Variants in STMN2 observed in about 807,000 individuals in gnomAD.
STMN2 encodes the protein stathmin-2.
A neutral mutation model predicts 24.1 loss-of-function variants in STMN2; 2 were observed. The observed-to-expected ratio is 0.08, with a 90% CI of 0.03 to 0.26. STMN2 has a LOEUF of 0.26. STMN2 is among the 10% of genes least tolerant of loss of function. The pLI is 1.00. For missense variants in STMN2, 114 were observed against 213.6 expected, an observed-to-expected ratio of 0.53 and a Z score of 2.91; for synonymous variants, 83 against 77.5, an observed-to-expected ratio of 1.07 and a Z score of -0.37.
chr8:79,620,310 C>G (rs1449006030), intron 1 of STMN2, among the ~76,000 whole-genome samples: 1 of 151,126 alleles, frequency 6.6e-6, no homozygotes, highest in Non-Finnish European at 1.5e-5. Context: ...CACATTCATG[C>G]AAAATAAGGT....
chr8:79,644,970 C>T (rs1242508920), intron 3 of STMN2, among the ~76,000 whole-genome samples: 1 of 152,128 alleles, frequency 6.6e-6, no homozygotes, highest in African/African-American at 2.4e-5. Flanking sequence ...GCCTGGCCAA[C>T]ATGGCAAAAC....
At chr8:79,662,941 A>G (rs1265277552) in intron 4 of STMN2, among the ~76,000 whole-genome samples, 1 of 152,104 alleles carries the variant, frequency 6.6e-6, no homozygotes, top group Non-Finnish European at 1.5e-5. Context: ...CTTTTTCCTT[A>G]TAATAGCAGA....
chr8:79,617,608 A>T (rs1381992400), intron 1 of STMN2, among the ~76,000 whole-genome samples: 1 of 152,258 alleles, frequency 6.6e-6, no homozygotes, highest in Non-Finnish European at 1.5e-5. Context: ...TTAAGACAGC[A>T]TTACAAAAGT....
intron 1 of STMN2, chr8:79,613,829 G>C (rs1485987178): frequency 2.0e-6 from 2 of 985,188 alleles, no homozygotes; most frequent in African/African-American, 3.5e-5. Context: ...CCAGGATTAT[G>C]TATGTTCATG....
At chr8:79,659,984 C>A (rs991068485) in intron 4 of STMN2, among the ~76,000 whole-genome samples, 11 of 152,164 alleles carry the variant, frequency 7.2e-5, no homozygotes, top group African/African-American at 2.4e-4. Context: ...TCCACCCTCA[C>A]AATTTTCCAT....
intron 2 of STMN2, among the ~76,000 whole-genome samples, chr8:79,637,528 T>C (rs879801669): frequency 6.6e-6 from 1 of 152,220 alleles, no homozygotes; most frequent in African/African-American, 2.4e-5. Context: ...ACAATCCACA[T>C]GATCTTGGTC....
At position 79,665,865 on chromosome 8, in the gene STMN2, T is replaced by G. The variant is rs1332131028; in HGVS notation, c.*991T>G. The stretch of plus-strand genomic sequence containing the variant: ...AATCAAAAACACTGCGGACTTTCAC[T>G]CAAGCTGGTCTTTCTTCCCCAGTGT... On this transcript the variant is annotated 3_prime_UTR_variant, in exon 5 of 5. Coordinates refer to ENST00000220876, the MANE Select transcript of STMN2 (RefSeq NM_007029.4). 2 of 152,320 alleles carry G rather than the reference T, an allele frequency of 1.3e-5. No individual in the cohort carries two copies. The highest frequency in any genetic ancestry group is 2.9e-5 in the Non-Finnish European group (2 of 68,158). The allele number at this position is 152,320 out of a possible 1,614,324, so 9.4% of individuals were successfully genotyped here.
At chr8:79,649,731 C>T (rs552116407) in intron 3 of STMN2, among the ~76,000 whole-genome samples, 3 of 152,194 alleles carry the variant, frequency 2.0e-5, no homozygotes, top group South Asian at 4.2e-4. Flanking sequence ...AAAATTAGTG[C>T]TATCTAAAAT....
At chr8:79,651,481 A>C (rs1178094242) in intron 3 of STMN2, among the ~76,000 whole-genome samples, 1 of 152,210 alleles carries the variant, frequency 6.6e-6, no homozygotes, top group Non-Finnish European at 1.5e-5. Context: ...TTGTTCATGC[A>C]GATCAAATGT....
At chr8:79,621,670 G>A (rs1355196509) in intron 1 of STMN2, among the ~76,000 whole-genome samples, 1 of 152,164 alleles carries the variant, frequency 6.6e-6, no homozygotes, top group Non-Finnish European at 1.5e-5. Flanking sequence ...AGGGAAGGAT[G>A]GTAAGTGGTG....
chr8:79,658,634 A>G (rs1414126541), intron 4 of STMN2, among the ~76,000 whole-genome samples: 4 of 152,186 alleles, frequency 2.6e-5, no homozygotes, highest in Non-Finnish European at 5.9e-5. Context: ...CCTATCAATT[A>G]AGCAAGAGAC....
intron 3 of STMN2, among the ~76,000 whole-genome samples, chr8:79,649,623 T>C (rs986845012): frequency 3.9e-5 from 6 of 152,110 alleles, no homozygotes; most frequent in African/African-American, 1.4e-4. Context: ...TACTAGGAGA[T>C]TTAGTGTCTG....
intron 1 of STMN2, among the ~76,000 whole-genome samples, chr8:79,624,346 C>T (rs896434266): frequency 1.4e-5 from 2 of 147,870 alleles, no homozygotes; most frequent in African/African-American, 5.0e-5. Context: ...CCCAGCTACT[C>T]GGGAGGCTGA....
intron 4 of STMN2, among the ~76,000 whole-genome samples, chr8:79,656,905 G>A (rs938344637): frequency 7.1e-6 from 1 of 140,612 alleles, no homozygotes; most frequent in South Asian, 2.2e-4. Context: ...ATAGAGTCTC[G>A]CTGTGTCGCC....
chr8:79,624,772 C>G (rs938669332), intron 1 of STMN2, among the ~76,000 whole-genome samples: 4 of 152,178 alleles, frequency 2.6e-5, no homozygotes, highest in African/African-American at 7.2e-5. Flanking sequence ...CTCCACAAAA[C>G]AAATAATAGC....
At chr8:79,638,797 GC>G (rs760972760) in intron 2 of STMN2, among the ~76,000 whole-genome samples, 1 of 152,100 alleles carries the variant, frequency 6.6e-6, no homozygotes, top group Non-Finnish European at 1.5e-5. Context: ...CTATTTGGAT[GC>G]AAATATAGGC....
At chr8:79,648,449 G>A (rs550245342) in intron 3 of STMN2, among the ~76,000 whole-genome samples, 91 of 126,420 alleles carry the variant, frequency 7.2e-4, no homozygotes, top group African/African-American at 2.5e-3. Context: ...TACAATATAC[G>A]TTGCTTTTTT....
At chr8:79,648,714 C>A (rs1224727823) in intron 3 of STMN2, among the ~76,000 whole-genome samples, 1 of 152,110 alleles carries the variant, frequency 6.6e-6, no homozygotes, top group Non-Finnish European at 1.5e-5. Flanking sequence ...CCACCCACCT[C>A]AGCCTTCCGA....
intron 3 of STMN2, among the ~76,000 whole-genome samples, chr8:79,654,497 C>G (rs1309403724): frequency 1.3e-5 from 2 of 152,162 alleles, no homozygotes; most frequent in Non-Finnish European, 2.9e-5. Flanking sequence ...TTGTCTCAGT[C>G]CTCAACTGTT....
Sources: gnomAD v4.1 joint callset for allele counts (sites outside exome capture counted in the v4.1 genomes callset) on GRCh38, gnomAD v4.1.1 for gene constraint, MANE v1.5 for transcripts, NCBI Gene and HGNC (gene_info 2026-07-23, HGNC 2026-07-21) for gene names.